The following RIPK1 variants were observed in gnomAD, a reference collection of about 807,000 sequenced individuals.
RIPK1 encodes receptor interacting serine/threonine kinase 1.
In RIPK1, 27 loss-of-function variants were observed where a neutral mutation model predicts 62.4. The observed-to-expected ratio is 0.43, with a 90% CI of 0.32 to 0.60. The LOEUF is 0.60. RIPK1 is among the 20% of genes least tolerant of loss of function. The pLI, the probability that RIPK1 is intolerant of heterozygous loss-of-function variation, is 0.07. For missense variants in RIPK1, 735 were observed against 831.0 expected, an observed-to-expected ratio of 0.88 and a Z score of 1.42; for synonymous variants, 287 against 303.2, an observed-to-expected ratio of 0.95 and a Z score of 0.55.
chr6:3,090,779 C>T (rs1385319149), intron 7 of RIPK1, among the ~76,000 whole-genome samples: 5 of 148,322 alleles, frequency 3.4e-5, no homozygotes, highest in Admixed American at 2.7e-4. Context: ...CCTGCCGCAC[C>T]TAGTAACCGC....
chr6:3,110,150 C>T (rs1424295846), intron 9 of RIPK1, among the ~76,000 whole-genome samples: 6 of 151,066 alleles, frequency 4.0e-5, no homozygotes, highest in Non-Finnish European at 7.4e-5. Context: ...TACTCAGAAA[C>T]GGAATTGCTG....
intron 9 of RIPK1, among the ~76,000 whole-genome samples, chr6:3,108,042 C>T (rs574447542): frequency 1.3e-5 from 2 of 151,812 alleles, no homozygotes; most frequent in East Asian, 3.9e-4. Context: ...AGTCCTAACT[C>T]TATACCAAAA....
In RIPK1 at chr6:3,095,446, C is replaced by T. The variant is rs1012535265; in HGVS notation, c.915+5789C>T. Among the ~76,000 whole-genome samples, 2 of 152,160 alleles carry T rather than the reference C, an allele frequency of 1.3e-5. 1 individual carries two copies. The highest frequency in any genetic ancestry group is 4.1e-4 in the South Asian group (2 of 4,830). Reference sequence around the variant, plus strand: ...AGAAGAGAGAACTCTTCCAGATTCACTTTGTGTAAGCATAACCTTGATTCC... The same window carrying T: ...AGAAGAGAGAACTCTTCCAGATTCATTTTGTGTAAGCATAACCTTGATTCC... On this transcript the variant is annotated intron_variant, in intron 7 of 10. Transcript: ENST00000259808.
upstream of RIPK1, among the ~76,000 whole-genome samples, chr6:3,067,051 A>ATT (rs36132424): frequency 0.033 from 1,959 of 58,960 alleles, 55 homozygotes; most frequent in African/African-American, 0.08. Flanking sequence ...TTGCTCCAGG[A>ATT]TTTTTTTTTT....
upstream of RIPK1, among the ~76,000 whole-genome samples, chr6:3,065,689 T>C (rs1364857229): frequency 6.6e-6 from 1 of 152,202 alleles, no homozygotes; most frequent in South Asian, 2.1e-4. Context: ...TACCCCCTCA[T>C]ATTCACACTT....
intron 7 of RIPK1, among the ~76,000 whole-genome samples, chr6:3,101,601 C>CT (rs17513215): frequency 0.15 from 22,971 of 151,668 alleles, 4,556 homozygotes; most frequent in African/African-American, 0.46. Flanking sequence ...AGCAGACAAT[C>CT]GTTAACAGCA....
chr6:3,087,781 A>T (rs17548411), intron 6 of RIPK1, among the ~76,000 whole-genome samples: 40 of 75,272 alleles, frequency 5.3e-4, no homozygotes, highest in East Asian at 1.7e-3. Context: ...CCTTGTGATC[A>T]GCCCGCCTCG....
intron 10 of RIPK1, among the ~76,000 whole-genome samples, chr6:3,112,740 G>A (rs1307986642): frequency 6.6e-6 from 1 of 152,044 alleles, no homozygotes; most frequent in Non-Finnish European, 1.5e-5. Context: ...TTCTTGCTGT[G>A]TTGCCCAGGA....
At chr6:3,090,243 T>C (rs1369154403) in intron 7 of RIPK1, among the ~76,000 whole-genome samples, 1 of 152,082 alleles carries the variant, frequency 6.6e-6, no homozygotes, top group Non-Finnish European at 1.5e-5. Flanking sequence ...TAGAGGGGCA[T>C]GACAAGGCCC....
chr6:3,108,508 T>A (rs553925253), intron 9 of RIPK1, among the ~76,000 whole-genome samples: 260 of 152,228 alleles, frequency 1.7e-3, no homozygotes, highest in African/African-American at 6.1e-3. Context: ...AAGCCCGCGG[T>A]GAGCGCAGAC....
Position 3,068,678 on chromosome 6 carries a change from C to G in RIPK1, c.-61+17C>G, listed in dbSNP as rs1162195154. ...AAGGGCGCGGTGAGCGGACTGGCAC[C>G]GCGCGGGGAACATTCCGGAGGCCGC... On this transcript the variant is annotated intron_variant, in intron 1 of 10. Transcript: ENST00000259808. 2 of 985,030 alleles carry G rather than the reference C, an allele frequency of 2.0e-6. No homozygotes were observed. Among genetic ancestry groups the G allele is most frequent in the South Asian group, 4.7e-5 (1 of 21,282 alleles). The allele number at this position is 985,030 out of a possible 1,614,324, so 61.0% of individuals were successfully genotyped here.
At chr6:3,076,081 G>A (rs151114767) in intron 1 of RIPK1, among the ~76,000 whole-genome samples, 21 of 152,180 alleles carry the variant, frequency 1.4e-4, no homozygotes, top group African/African-American at 4.6e-4. Context: ...GCCTGCCTCC[G>A]GTGCTCTGTT....
At chr6:3,087,578 C>T (rs1181521289) in intron 6 of RIPK1, among the ~76,000 whole-genome samples, 3 of 148,818 alleles carry the variant, frequency 2.0e-5, no homozygotes, top group Non-Finnish European at 3.0e-5. Context: ...TTTTTTGACA[C>T]GGACTCTCAC....
intron 1 of RIPK1, among the ~76,000 whole-genome samples, chr6:3,070,893 A>C (rs1426719900): frequency 6.6e-6 from 1 of 152,240 alleles, no homozygotes; most frequent in Non-Finnish European, 1.5e-5. Flanking sequence ...TTAGTGAGCC[A>C]ATAGTGAAAG....
intron 7 of RIPK1, 102 bp downstream of exon 7, chr6:3,089,759 G>T: frequency 2.8e-6 from 2 of 726,220 alleles, no homozygotes; most frequent in Non-Finnish European, 4.8e-6. Context: ...TTTGAGGTAA[G>T]CTAGCTTGGT....
intron 10 of RIPK1, among the ~76,000 whole-genome samples, chr6:3,112,291 T>C (rs1249592080): frequency 6.6e-6 from 1 of 152,154 alleles, no homozygotes; most frequent in East Asian, 1.9e-4. Context: ...AGTGAACTGT[T>C]GGGCCGGGGT....
Position 3,076,713 on chromosome 6 carries a change from T to TATATATATATATATATAG in RIPK1, c.-60-38_-60-37insTATAGATATATATATATA, listed in dbSNP as rs1759075797. The TATATATATATATATATAG allele has an allele frequency of 8.0e-6, 3 of 372,718 alleles. No homozygotes were observed. The South Asian group carries it at 1.5e-4, about 19-fold the overall frequency. 23.1% of individuals were successfully genotyped at this position (372,718 alleles called of 1,614,324 possible). ...AAAAAAAAAAACATATATATATATATATATATATATATAGTCTTGCCCTGA... is the reference window on the plus strand; with the variant it reads ...AAAAAAAAAAACATATATATATATATATATATATATATATATAGATATATATATATAGTCTTGCCCTGA... On this transcript the variant is annotated intron_variant, in intron 1 of 10. Transcript: ENST00000259808.
chr6:3,094,029 C>A (rs13206303), intron 7 of RIPK1, among the ~76,000 whole-genome samples: 1 of 127,262 alleles, frequency 7.9e-6, no homozygotes, highest in Admixed American at 7.6e-5. Flanking sequence ...GCCTACCTGC[C>A]GCACCTAGTA....
chr6:3,064,219 G>A (rs888843847), upstream of RIPK1, among the ~76,000 whole-genome samples: 1 of 151,808 alleles, frequency 6.6e-6, no homozygotes, highest in Non-Finnish European at 1.5e-5. Flanking sequence ...AACGGTCTGT[G>A]GGGGGTCCCC....
Sources: allele counts gnomAD v4.1 joint callset (sites outside exome capture counted in the v4.1 genomes callset), GRCh38; gene constraint gnomAD v4.1.1; transcripts MANE v1.5; gene names NCBI Gene and HGNC (gene_info 2026-07-23, HGNC 2026-07-21).